USP25: variants seen among roughly 807,000 people sequenced by gnomAD.
USP25 encodes ubiquitin specific peptidase 25.
Under a neutral mutation model 158.5 loss-of-function variants are expected in USP25, and 85 were observed. That is an observed-to-expected ratio of 0.54 (90% CI 0.45 to 0.64). USP25 has a LOEUF of 0.64. Among genes scored for constraint, USP25 ranks in the 30% least tolerant of loss-of-function variants. The pLI is 0.00. For synonymous variants in USP25, 464 were observed against 460.4 expected (o/e 1.01, Z -0.10); for missense variants, 1,242 against 1,327.3 (o/e 0.94, Z 1.00).
chr21:15,833,553 G>T lies in USP25; in HGVS notation c.2194+5G>T. The stretch of plus-strand genomic sequence containing the variant: ...CAGAGACTTCTGTGACAACAGGTTT[G>T]TCCATTTTTATTAAGTTGTGTTTGA... On this transcript the variant is annotated splice_donor_5th_base_variant and intron_variant, in intron 17 of 25. Coordinates refer to ENST00000400183, the MANE Select transcript of USP25 (RefSeq NM_001283041.3). 1 of 1,608,434 alleles carries T rather than the reference G, an allele frequency of 6.2e-7. No individual in the cohort carries two copies. Among genetic ancestry groups the T allele is most frequent in the Non-Finnish European group, 8.5e-7 (1 of 1,177,598 alleles).
chr21:15,732,356 T>A (rs1474399676), intron 1 of USP25, among the ~76,000 whole-genome samples: 2 of 152,232 alleles, frequency 1.3e-5, no homozygotes, highest in African/African-American at 4.8e-5. Context: ...TAATACACGA[T>A]TACTTTGTTA....
At chr21:15,822,492 T>C (rs1226518904) in intron 10 of USP25, among the ~76,000 whole-genome samples, 2 of 152,020 alleles carry the variant, frequency 1.3e-5, no homozygotes, top group South Asian at 2.1e-4. Context: ...TCATTTCTTG[T>C]GGCCATTGTA....
At chr21:15,808,566 G>T (rs961992523) in intron 7 of USP25, among the ~76,000 whole-genome samples, 2 of 151,916 alleles carry the variant, frequency 1.3e-5, no homozygotes, top group East Asian at 3.9e-4. Flanking sequence ...GTGTGTGTGT[G>T]TGTGTGTATT....
intron 20 of USP25, among the ~76,000 whole-genome samples, chr21:15,856,065 T>G (rs2039122568): frequency 6.6e-6 from 1 of 152,240 alleles, no homozygotes; most frequent in Non-Finnish European, 1.5e-5. Context: ...GCTAAAAAGG[T>G]ATTGCCTGTT....
chr21:15,772,303 G>GAT (rs1489816932), intron 3 of USP25, among the ~76,000 whole-genome samples: 1 of 152,096 alleles, frequency 6.6e-6, no homozygotes, highest in African/African-American at 2.4e-5. Flanking sequence ...ATCACGTTTT[G>GAT]ATATATATTT....
intron 1 of USP25, among the ~76,000 whole-genome samples, chr21:15,746,360 G>A (rs1228590621): frequency 6.6e-6 from 1 of 152,024 alleles, no homozygotes; most frequent in African/African-American, 2.4e-5. Flanking sequence ...GTTTTTTAAC[G>A]GTTTAAAGGT....
chr21:15,857,188 A>G (rs747030314), intron 20 of USP25, among the ~76,000 whole-genome samples: 93 of 152,216 alleles, frequency 6.1e-4, no homozygotes, highest in Non-Finnish European at 1.2e-3. Context: ...TAAATGAGAT[A>G]ATTCACGTGG....
At position 15,827,124 on chromosome 21, in the gene USP25, G is replaced by A; in HGVS notation, c.1614G>A (p.Arg538=). The change falls in exon 14 of 26, where the codon AGG becomes AGA. Residue 538 remains arginine, a synonymous_variant. Coordinates refer to ENST00000400183, the MANE Select transcript of USP25 (RefSeq NM_001283041.3). The part of the protein sequence containing the change: ...PPDLPMHPAP[R]HITEEELSVL... ...ATTTGCCCATGCATCCGGCACCAAG[G>A]CACATAACGGAGGAAGAACTTTCTG... is the stretch of plus-strand genomic sequence containing the variant. 2 of 1,614,146 alleles carry A rather than the reference G, an allele frequency of 1.2e-6. No individual in the cohort carries two copies. The highest frequency in any genetic ancestry group is 1.7e-5 in the Admixed American group (1 of 60,008).
intron 20 of USP25, among the ~76,000 whole-genome samples, chr21:15,854,070 A>G (rs755658173): frequency 2.6e-5 from 4 of 152,058 alleles, no homozygotes; most frequent in Non-Finnish European, 5.9e-5. Context: ...CCCCTCAATT[A>G]GATATAGTAT....
chr21:15,809,466 A>AC lies in USP25; in HGVS notation c.857+589dup, dbSNP rs900152164. Among the ~76,000 whole-genome samples, 103 of 148,606 alleles carry AC rather than the reference A, an allele frequency of 6.9e-4. 1 individual carries two copies. Among genetic ancestry groups the AC allele is most frequent in the South Asian group, 2.6e-3 (12 of 4,598 alleles). Reference sequence around the variant, plus strand: ...TGGCGGCTACGAAAAAAAACGAAACACCCCCCCCAACCCCTACTGACCCAA... The same window carrying AC: ...TGGCGGCTACGAAAAAAAACGAAACACCCCCCCCCAACCCCTACTGACCCAA... On this transcript the variant is annotated intron_variant, in intron 8 of 25. Coordinates refer to ENST00000400183, the MANE Select transcript of USP25 (RefSeq NM_001283041.3).
chr21:15,809,732 G>A (rs1370641474), intron 8 of USP25, among the ~76,000 whole-genome samples: 1 of 152,162 alleles, frequency 6.6e-6, no homozygotes, highest in African/African-American at 2.4e-5. Context: ...CACAATAGCC[G>A]AAAGGTGGAA....
rs373958687 is a variant in USP25 at position 15,843,088 on chromosome 21, A to G, written c.2337+548A>G. On this transcript the variant is annotated intron_variant, in intron 18 of 25. Transcript: ENST00000400183. The surrounding 1 kb of genome is among the most constrained non-coding windows in gnomAD (Gnocchi z 4.0). ...TAAGAACGTCCTGTGCAAAAACGTCATTAGGCTACTCTATTGTAGTTTTCA... is the reference window on the plus strand; with the variant it reads ...TAAGAACGTCCTGTGCAAAAACGTCGTTAGGCTACTCTATTGTAGTTTTCA... Among the ~76,000 whole-genome samples, 3 of 152,194 alleles carry G rather than the reference A, an allele frequency of 2.0e-5. No individual in the cohort carries two copies. Among genetic ancestry groups the G allele is most frequent in the East Asian group, 1.9e-4 (1 of 5,198 alleles).
In USP25 at chr21:15,791,670, G is replaced by C. The variant is rs2035598537; in HGVS notation, c.555+6G>C. ...GGTTTAGTGCTGTTATTCAGGTAAG[G>C]ATTTTTCTTTATTCAGTTCTTATTT... On this transcript the variant is annotated splice_donor_region_variant and intron_variant, in intron 5 of 25. Transcript: ENST00000400183. The C allele has an allele frequency of 6.2e-7, 1 of 1,602,286 alleles. No individual in the cohort carries two copies.
chr21:15,838,689 T>G (rs2146426023), intron 17 of USP25, among the ~76,000 whole-genome samples: 1 of 152,288 alleles, frequency 6.6e-6, no homozygotes, highest in South Asian at 2.1e-4. Context: ...GCTTTAAATC[T>G]TCTTCAGTGT....
At chr21:15,799,682 T>A in intron 5 of USP25, 75 bp from the exon 6 acceptor site, 1 of 1,034,902 alleles carries the variant, frequency 9.7e-7, no homozygotes, top group Non-Finnish European at 1.4e-6. Context: ...AAAATAAACC[T>A]CCAAGACTAG....
At chr21:15,733,394 G>A (rs1211098199) in intron 1 of USP25, among the ~76,000 whole-genome samples, 1 of 152,114 alleles carries the variant, frequency 6.6e-6, no homozygotes, top group East Asian at 1.9e-4. Context: ...CAAAAGGAGT[G>A]TAGTACTTTG....
intron 3 of USP25, among the ~76,000 whole-genome samples, chr21:15,769,109 A>G (rs2034204277): frequency 6.6e-6 from 1 of 152,086 alleles, no homozygotes; most frequent in African/African-American, 2.4e-5. Context: ...TTTGGGGCAT[A>G]TGGAGAAATT....
rs1223456236 is a variant in USP25 at position 15,826,029 on chromosome 21, C to T, written c.1305-175C>T. On this transcript the variant is annotated intron_variant, in intron 12 of 25. Coordinates refer to ENST00000400183, the MANE Select transcript of USP25 (RefSeq NM_001283041.3). The surrounding 1 kb of genome is among the most constrained non-coding windows in gnomAD (Gnocchi z 4.8). ...GCCTTGGTTTCCTGTCTTTGGGGAACTTTTAATGTTTTTCTTAAGTGTATA... is the reference window on the plus strand; with the variant it reads ...GCCTTGGTTTCCTGTCTTTGGGGAATTTTTAATGTTTTTCTTAAGTGTATA... 6.6e-6 allele frequency among the ~76,000 whole-genome samples: 1 copy of T among 152,080 alleles called. No homozygotes were observed. The highest frequency in any genetic ancestry group is 2.4e-5 in the African/African-American group (1 of 41,406).
chr21:15,752,903 G>A (rs1385685534), intron 1 of USP25, among the ~76,000 whole-genome samples: 2 of 152,178 alleles, frequency 1.3e-5, no homozygotes, highest in African/African-American at 4.8e-5. Flanking sequence ...TGTGACAGTA[G>A]GATATGCAGC....
Sources: allele counts gnomAD v4.1 joint callset (sites outside exome capture counted in the v4.1 genomes callset), GRCh38; gene constraint gnomAD v4.1.1; non-coding constraint Gnocchi (gnomAD v3.1); transcripts MANE v1.5; gene names NCBI Gene and HGNC (gene_info 2026-07-23, HGNC 2026-07-21).